Variants in DLGAP2 observed in about 807,000 individuals in gnomAD.
DLGAP2 encodes DLG associated protein 2.
In DLGAP2, 26 loss-of-function variants were observed where a neutral mutation model predicts 100.3. That is an observed-to-expected ratio of 0.26 (90% confidence interval 0.19 to 0.36). The LOEUF (loss-of-function observed/expected upper bound fraction) is 0.36. Ranked by LOEUF, DLGAP2 falls within the 10% of genes least tolerant of loss-of-function variation. The probability of loss-of-function intolerance (pLI) is 1.00; values close to 1 mark genes in which losing one functional copy is unlikely to be tolerated. For synonymous variants in DLGAP2, 886 were observed against 630.1 expected (o/e 1.41, Z -6.08); for missense variants, 1,858 against 1,453.2 (o/e 1.28, Z -4.53).
intron 1 of DLGAP2, among the ~76,000 whole-genome samples, chr8:838,850 G>C (rs1563057495): frequency 1.3e-5 from 2 of 152,210 alleles, no homozygotes; most frequent in Non-Finnish European, 2.9e-5. Context: ...TCCCCTGCTG[G>C]TGACTTCCTG....
At chr8:1,086,742 G>A (rs1585045917) in intron 2 of DLGAP2, among the ~76,000 whole-genome samples, 1 of 152,146 alleles carries the variant, frequency 6.6e-6, no homozygotes, top group South Asian at 2.1e-4. Flanking sequence ...CAACAATGGA[G>A]CACCTAAATA....
In DLGAP2 at chr8:1,566,760, A is replaced by G. The variant is rs563178391; in HGVS notation, c.1442+866A>G. Among the ~76,000 whole-genome samples, 3 of 152,378 alleles carry G rather than the reference A, an allele frequency of 2.0e-5. No homozygotes were observed. In the South Asian group the frequency reaches 6.2e-4, roughly 32 times the overall value. ...TGCACCCAGTGATGAGCCAGTGACC[A>G]TATAACCTCTTCCAATACATCTAGT... is the stretch of plus-strand genomic sequence containing the variant. On this transcript the variant is annotated intron_variant, in intron 6 of 14. Coordinates refer to ENST00000637795, the MANE Select transcript of DLGAP2 (RefSeq NM_001346810.2).
intron 2 of DLGAP2, among the ~76,000 whole-genome samples, chr8:1,203,106 TTTTGTTTGTTTGTTAGTTCG>T (rs1314441099): frequency 1.3e-5 from 2 of 151,912 alleles, no homozygotes; most frequent in Non-Finnish European, 2.9e-5. Context: ...CTCTTAGGGT[TTTTGTTTGTTTGTTAGTTCG>T]TTTGTTTGTT....
chr8:1,202,878 G>A (rs1272734926), intron 2 of DLGAP2, among the ~76,000 whole-genome samples: 1 of 152,360 alleles, frequency 6.6e-6, no homozygotes, highest in East Asian at 1.9e-4. Context: ...ATCAGCCGCT[G>A]CCCACCGACC....
chr8:1,489,551 G>A (rs1176391173), intron 3 of DLGAP2, among the ~76,000 whole-genome samples: 1 of 152,204 alleles, frequency 6.6e-6, no homozygotes, highest in South Asian at 2.1e-4. Flanking sequence ...CTTTTCCAAA[G>A]ACTGTTGGAT....
intron 2 of DLGAP2, among the ~76,000 whole-genome samples, chr8:918,588 GTGT>G (rs755069523): frequency 4.6e-5 from 7 of 152,242 alleles, no homozygotes; most frequent in Non-Finnish European, 8.8e-5. Context: ...GCAGTCTTCT[GTGT>G]TGTTGTCTTT....
intron 5 of DLGAP2, among the ~76,000 whole-genome samples, chr8:1,558,119 G>A (rs1472937121): frequency 6.6e-6 from 1 of 152,184 alleles, no homozygotes; most frequent in Non-Finnish European, 1.5e-5. Flanking sequence ...CACGCATCCT[G>A]GGGGCTCCCA....
chr8:935,130 CA>C (rs1338353163), intron 2 of DLGAP2, among the ~76,000 whole-genome samples: 1 of 152,248 alleles, frequency 6.6e-6, no homozygotes, highest in Non-Finnish European at 1.5e-5. Context: ...GCCATTCCCG[CA>C]GGGGACGCTG....
At chr8:1,154,652 A>G (rs1796748948) in intron 2 of DLGAP2, among the ~76,000 whole-genome samples, 1 of 152,158 alleles carries the variant, frequency 6.6e-6, no homozygotes, top group African/African-American at 2.4e-5. Flanking sequence ...AGCCAGTTAC[A>G]CTGCCACGGA....
intron 3 of DLGAP2, among the ~76,000 whole-genome samples, chr8:1,294,621 A>C (rs1199077439): frequency 6.6e-6 from 1 of 152,214 alleles, no homozygotes; most frequent in Non-Finnish European, 1.5e-5. Flanking sequence ...TTAAGAGTAC[A>C]TAGGCTTTTT....
intron 2 of DLGAP2, among the ~76,000 whole-genome samples, chr8:1,116,510 A>G (rs1417485230): frequency 6.6e-6 from 1 of 152,212 alleles, no homozygotes; most frequent in Non-Finnish European, 1.5e-5. Flanking sequence ...AATGGGGCAG[A>G]TAATATATTT....
At chr8:1,082,015 T>C (rs1347745633) in intron 2 of DLGAP2, among the ~76,000 whole-genome samples, 2 of 152,172 alleles carry the variant, frequency 1.3e-5, no homozygotes, top group East Asian at 3.9e-4. Flanking sequence ...GTCTTTTCCC[T>C]GTTCTGAAAA....
At chr8:1,384,060 C>T (rs944875173) in intron 3 of DLGAP2, among the ~76,000 whole-genome samples, 1 of 152,142 alleles carries the variant, frequency 6.6e-6, no homozygotes, top group Admixed American at 6.5e-5. Flanking sequence ...CTCATTCAGA[C>T]GTTGGGAAAC....
At chr8:832,111 T>G (rs1006580199) in intron 1 of DLGAP2, among the ~76,000 whole-genome samples, 3 of 152,234 alleles carry the variant, frequency 2.0e-5, no homozygotes, top group Non-Finnish European at 4.4e-5. Context: ...TTCTGGATAT[T>G]AGACCTTTGT....
At chr8:1,606,032 G>A (rs989018398) in intron 6 of DLGAP2, among the ~76,000 whole-genome samples, 7 of 152,154 alleles carry the variant, frequency 4.6e-5, no homozygotes, top group East Asian at 1.9e-4. Context: ...AATCAGAGGC[G>A]AAGAATGAAA....
At chr8:755,366 G>C (rs1433258098) in intron 1 of DLGAP2, among the ~76,000 whole-genome samples, 1 of 152,126 alleles carries the variant, frequency 6.6e-6, no homozygotes, top group Non-Finnish European at 1.5e-5. Context: ...TCGGGAGATG[G>C]GAGGAACACT....
intron 2 of DLGAP2, among the ~76,000 whole-genome samples, chr8:1,213,729 G>A (rs982918354): frequency 5.9e-5 from 9 of 152,076 alleles, no homozygotes; most frequent in Non-Finnish European, 7.4e-5. Context: ...TCAGGATGTC[G>A]GGGACCAAGG....
At chr8:1,174,863 C>G (rs897031912) in intron 2 of DLGAP2, among the ~76,000 whole-genome samples, 1 of 152,068 alleles carries the variant, frequency 6.6e-6, no homozygotes, top group Non-Finnish European at 1.5e-5. Context: ...TTTACAAAAT[C>G]CTAAGTGAGT....
chr8:1,350,141 A>C (rs1490749977), intron 3 of DLGAP2, among the ~76,000 whole-genome samples: 1 of 152,190 alleles, frequency 6.6e-6, no homozygotes, highest in Non-Finnish European at 1.5e-5. Context: ...GGAAGAAATA[A>C]AAACATCCCC....
Sources: allele counts gnomAD v4.1 joint callset (sites outside exome capture counted in the v4.1 genomes callset), GRCh38; gene constraint gnomAD v4.1.1; transcripts MANE v1.5; gene names NCBI Gene and HGNC (gene_info 2026-07-23, HGNC 2026-07-21).